The following FSTL5 variants were observed in gnomAD, a reference collection of about 807,000 sequenced individuals.
FSTL5 encodes follistatin like 5, also known as follistatin-related protein 5.
A neutral mutation model predicts 89.1 loss-of-function variants in FSTL5; 62 were observed. The ratio of observed to expected loss-of-function variants is 0.70; its 90% CI spans 0.57 to 0.86. The LOEUF is 0.86. Ranked by LOEUF, FSTL5 falls within the 40% of genes least tolerant of loss-of-function variation. The pLI, the probability that FSTL5 is intolerant of heterozygous loss-of-function variation, is 0.00. For synonymous variants in FSTL5, 383 were observed against 346.2 expected (o/e 1.11, Z -1.18); for missense variants, 1,057 against 1,001.6 (o/e 1.06, Z -0.75).
At chr4:161,903,398 AAC>A (rs1733427521) in intron 4 of FSTL5, among the ~76,000 whole-genome samples, 1 of 152,094 alleles carries the variant, frequency 6.6e-6, no homozygotes, top group African/African-American at 2.4e-5. Context: ...GAAAATAAAA[AAC>A]ACTTTTTTCA....
At chr4:161,849,331 G>A (rs1400300079) in intron 4 of FSTL5, among the ~76,000 whole-genome samples, 1 of 151,876 alleles carries the variant, frequency 6.6e-6, no homozygotes, top group African/African-American at 2.4e-5. Flanking sequence ...TGGCCTATTT[G>A]AGTCCTTATC....
chr4:161,833,827 C>T (rs1730934531), intron 4 of FSTL5, among the ~76,000 whole-genome samples: 1 of 151,736 alleles, frequency 6.6e-6, no homozygotes, highest in South Asian at 2.1e-4. Flanking sequence ...GGTCTTGACT[C>T]TTTATCCAAT....
intron 2 of FSTL5, among the ~76,000 whole-genome samples, chr4:162,092,945 C>T (rs1052221872): frequency 4.7e-4 from 21 of 45,070 alleles, no homozygotes; most frequent in Non-Finnish European, 6.2e-4. Flanking sequence ...GAGACTCTGT[C>T]TCAAAAAAAA....
intron 4 of FSTL5, among the ~76,000 whole-genome samples, chr4:161,779,789 A>ATATATATATGTATATATATATG (rs1741574298): frequency 2.0e-5 from 1 of 51,054 alleles, no homozygotes; most frequent in Non-Finnish European, 3.1e-5. Context: ...ATATATATAT[A>ATATATATATGTATATATATATG]TATATATATA....
chr4:161,949,885 A>AT (rs1169067591), intron 3 of FSTL5, among the ~76,000 whole-genome samples: 2 of 151,748 alleles, frequency 1.3e-5, no homozygotes, highest in Non-Finnish European at 1.5e-5. Flanking sequence ...CTTTTAACAT[A>AT]TTTTTTACAA....
At chr4:161,474,545 G>GTTT (rs56697910) in intron 13 of FSTL5, among the ~76,000 whole-genome samples, 9 of 144,606 alleles carry the variant, frequency 6.2e-5, no homozygotes, top group African/African-American at 1.0e-4. Context: ...TTGTGTAGTG[G>GTTT]TTTTTTTTTT....
chr4:161,706,319 A>G (rs1227170597), intron 6 of FSTL5, among the ~76,000 whole-genome samples: 2 of 151,844 alleles, frequency 1.3e-5, no homozygotes, highest in Non-Finnish European at 2.9e-5. Flanking sequence ...ATAGGTAGGA[A>G]GGAGGGAAAT....
At chr4:161,668,468 A>T (rs1359811497) in intron 6 of FSTL5, among the ~76,000 whole-genome samples, 1 of 152,210 alleles carries the variant, frequency 6.6e-6, no homozygotes, top group East Asian at 1.9e-4. Context: ...AATCCCCTAC[A>T]ATCTCTTTCA....
intron 7 of FSTL5, among the ~76,000 whole-genome samples, chr4:161,588,638 G>T: frequency 1.3e-5 from 2 of 152,024 alleles, no homozygotes; most frequent in African/African-American, 4.8e-5. Context: ...CAGAATTCTG[G>T]AAATAGAGAA....
intron 3 of FSTL5, among the ~76,000 whole-genome samples, chr4:161,960,450 T>G (rs1410702550): frequency 6.6e-6 from 1 of 152,004 alleles, no homozygotes. Flanking sequence ...TGCTGGGTGC[T>G]GGGATTACAG....
intron 2 of FSTL5, among the ~76,000 whole-genome samples, chr4:162,100,639 G>A (rs1452616737): frequency 6.6e-6 from 1 of 152,106 alleles, no homozygotes; most frequent in Non-Finnish European, 1.5e-5. Flanking sequence ...AACACAAAGA[G>A]TGAACCTATT....
At chr4:161,450,207 C>T (rs1395489768) in intron 15 of FSTL5, among the ~76,000 whole-genome samples, 2 of 152,212 alleles carry the variant, frequency 1.3e-5, no homozygotes, top group African/African-American at 4.8e-5. Context: ...ATTCTCCTTA[C>T]CTTTCTAGAA....
At chr4:161,803,100 C>T (rs1029501482) in intron 4 of FSTL5, among the ~76,000 whole-genome samples, 1 of 151,902 alleles carries the variant, frequency 6.6e-6, no homozygotes, top group Admixed American at 6.6e-5. Context: ...ATGATTTCTG[C>T]ATAAGGCCAA....
At chr4:161,685,271 C>T (rs1464746199) in intron 6 of FSTL5, among the ~76,000 whole-genome samples, 1 of 152,010 alleles carries the variant, frequency 6.6e-6, no homozygotes, top group African/African-American at 2.4e-5. Context: ...TTGTGTTTTC[C>T]AATTCTTTGA....
chr4:162,119,200 C>A (rs1731762207), intron 1 of FSTL5, among the ~76,000 whole-genome samples: 1 of 150,768 alleles, frequency 6.6e-6, no homozygotes. Context: ...GCACTGCAGC[C>A]TGGGCAACAG....
intron 13 of FSTL5, among the ~76,000 whole-genome samples, chr4:161,463,019 C>T (rs367996416): frequency 6.6e-6 from 1 of 151,866 alleles, no homozygotes; most frequent in East Asian, 1.9e-4. Flanking sequence ...TTTCATTGAG[C>T]CTTAAAGAAC....
At chr4:162,029,759 A>G (rs1056077395) in intron 3 of FSTL5, among the ~76,000 whole-genome samples, 1 of 152,148 alleles carries the variant, frequency 6.6e-6, no homozygotes, top group Non-Finnish European at 1.5e-5. Flanking sequence ...CATAAATAAT[A>G]AAATTCATAT....
chr4:161,422,874 C>A (rs946391938), intron 15 of FSTL5, among the ~76,000 whole-genome samples: 3 of 152,158 alleles, frequency 2.0e-5, no homozygotes, highest in Non-Finnish European at 4.4e-5. Context: ...ATAATACAAC[C>A]CAATCACAGC....
intron 10 of FSTL5, among the ~76,000 whole-genome samples, chr4:161,532,694 C>G (rs1484204965): frequency 6.6e-6 from 1 of 152,038 alleles, no homozygotes; most frequent in East Asian, 1.9e-4. Context: ...GCAGCAGAAA[C>G]TGAAAAAGAA....
Sources: gnomAD v4.1 joint callset for allele counts (sites outside exome capture counted in the v4.1 genomes callset) on GRCh38, gnomAD v4.1.1 for gene constraint, MANE v1.5 for transcripts, NCBI Gene and HGNC (gene_info 2026-07-23, HGNC 2026-07-21) for gene names.